Variants in BLTP3B observed in about 807,000 individuals in gnomAD.
BLTP3B encodes UHRF1 (ICBP90) binding protein 1-like.
At chr12:100,061,656 C>CA in the BLTP3B span, among the ~76,000 whole-genome samples, 9,071 of 66,290 alleles carry the variant, frequency 0.14, 557 homozygotes, top group Middle Eastern at 0.23. Context: ...GACTCCGTCT[C>CA]AAAAAAAAAA....
the BLTP3B span, among the ~76,000 whole-genome samples, chr12:100,082,527 T>C: frequency 4.3e-3 from 651 of 152,360 alleles, 2 homozygotes; most frequent in Non-Finnish European, 7.6e-3. Context: ...GTGTCAGCCT[T>C]TACATTTAAG....
chr12:100,091,137 C>G, the BLTP3B span, among the ~76,000 whole-genome samples: 2 of 148,382 alleles, frequency 1.3e-5, no homozygotes, highest in African/African-American at 5.0e-5. Flanking sequence ...AGTGATTTTC[C>G]TCCCAAGTAG....
chr12:100,111,167 A>C, the BLTP3B span, among the ~76,000 whole-genome samples: 1 of 151,904 alleles, frequency 6.6e-6, no homozygotes, highest in Admixed American at 6.6e-5. Context: ...AAATGTTTAT[A>C]TTATAATGTT....
the BLTP3B span, among the ~76,000 whole-genome samples, chr12:100,135,552 A>G: frequency 6.6e-6 from 1 of 151,998 alleles, no homozygotes; most frequent in Non-Finnish European, 1.5e-5. Flanking sequence ...TACAGGTGAG[A>G]CACCACACCC....
At chr12:100,047,474 G>T in the BLTP3B span, 1 of 1,341,962 alleles carries the variant, frequency 7.5e-7, no homozygotes. Flanking sequence ...ACTCAAGCCT[G>T]GGCAACAAGA....
At chr12:100,067,845 T>C in the BLTP3B span, among the ~76,000 whole-genome samples, 7 of 152,278 alleles carry the variant, frequency 4.6e-5, no homozygotes, top group East Asian at 5.8e-4. Flanking sequence ...AAAGAAGTCA[T>C]AGACGACACA....
At chr12:100,110,352 T>G in the BLTP3B span, among the ~76,000 whole-genome samples, 28 of 152,198 alleles carry the variant, frequency 1.8e-4, no homozygotes, top group Non-Finnish European at 3.7e-4. Context: ...TGACCAATGA[T>G]GCTGAGCTGT....
At chr12:100,086,453 T>C in the BLTP3B span, 54 of 675,574 alleles carry the variant, frequency 8.0e-5, 1 homozygote, top group East Asian at 1.4e-3. Flanking sequence ...GGAGTCCAAA[T>C]AGTAATAACT....
chr12:100,070,121 A>T, the BLTP3B span: 3 of 1,538,598 alleles, frequency 1.9e-6, no homozygotes, highest in African/African-American at 1.4e-5. Flanking sequence ...TGCAGAGCAG[A>T]TGTCTTCCTT....
the BLTP3B span, among the ~76,000 whole-genome samples, chr12:100,105,012 T>A: frequency 6.6e-6 from 1 of 150,536 alleles, no homozygotes; most frequent in Non-Finnish European, 1.5e-5. Context: ...TGGAAATATA[T>A]CCCATACTCG....
At chr12:100,058,610 A>G in the BLTP3B span, 1 of 1,614,010 alleles carries the variant, frequency 6.2e-7, no homozygotes, top group Non-Finnish European at 8.5e-7. Context: ...CTGGGCTCAC[A>G]CTTTCAGAAA....
At chr12:100,094,754 G>A in the BLTP3B span, among the ~76,000 whole-genome samples, 7 of 152,224 alleles carry the variant, frequency 4.6e-5, no homozygotes, top group African/African-American at 1.7e-4. Context: ...CAGCTACGCG[G>A]GGGGCTGAGG....
the BLTP3B span, chr12:100,058,196 A>G: frequency 6.2e-7 from 1 of 1,613,116 alleles, no homozygotes; most frequent in East Asian, 2.2e-5. Flanking sequence ...GTATGTTTTG[A>G]TTACCATCAC....
chr12:100,103,821 A>G, the BLTP3B span: 7 of 1,144,016 alleles, frequency 6.1e-6, no homozygotes, highest in South Asian at 6.3e-5. Flanking sequence ...AATCCAGACT[A>G]TATTTCCATG....
the BLTP3B span, among the ~76,000 whole-genome samples, chr12:100,116,140 C>A: frequency 1.3e-5 from 2 of 149,420 alleles, no homozygotes; most frequent in South Asian, 2.1e-4. Context: ...CCAATGTACT[C>A]CAGCCCGGGT....
the BLTP3B span, among the ~76,000 whole-genome samples, chr12:100,055,435 G>C: frequency 2.6e-5 from 4 of 152,082 alleles, no homozygotes; most frequent in Non-Finnish European, 2.9e-5. Flanking sequence ...CCAGCATTTT[G>C]GGAGGCTGAG....
At chr12:100,124,921 TAAA>T in the BLTP3B span, among the ~76,000 whole-genome samples, 1 of 86,428 alleles carries the variant, frequency 1.2e-5, no homozygotes, top group Non-Finnish European at 2.3e-5. Context: ...GACCCTGCCT[TAAA>T]AAAAAAAAAT....
the BLTP3B span, chr12:100,059,791 C>T: frequency 6.6e-7 from 1 of 1,505,554 alleles, no homozygotes; most frequent in Non-Finnish European, 9.1e-7. Context: ...CATATACGCA[C>T]AAATCATAAA....
the BLTP3B span, among the ~76,000 whole-genome samples, chr12:100,038,372 G>T: frequency 6.6e-6 from 1 of 151,976 alleles, no homozygotes; most frequent in Admixed American, 6.6e-5. Flanking sequence ...TTTCGCTCTT[G>T]TTGCCCAGGC....
Sources: gnomAD v4.1 joint callset for allele counts (sites outside exome capture counted in the v4.1 genomes callset) on GRCh38, gnomAD v4.1.1 for gene constraint, MANE v1.5 for transcripts, NCBI Gene and HGNC (gene_info 2026-07-23, HGNC 2026-07-21) for gene names.